The following LDLRAD4 variants were observed in gnomAD, a reference collection of about 807,000 sequenced individuals.
LDLRAD4 encodes the protein low-density lipoprotein receptor class A domain-containing protein 4.
Under a neutral mutation model 17.0 loss-of-function variants are expected in LDLRAD4, and 5 were observed. That is an observed-to-expected ratio of 0.29 (90% CI 0.15 to 0.62). The LOEUF is 0.62. Among genes scored for constraint, LDLRAD4 ranks in the 20% least tolerant of loss-of-function variants. The pLI, the probability that LDLRAD4 is intolerant of heterozygous loss-of-function variation, is 0.84. For synonymous variants in LDLRAD4, 168 were observed against 171.8 expected (o/e 0.98, Z 0.17); for missense variants, 340 against 424.7 (o/e 0.80, Z 1.75).
intron 1 of LDLRAD4, among the ~76,000 whole-genome samples, chr18:13,283,862 T>A (rs2045441078): frequency 6.6e-6 from 1 of 152,128 alleles, no homozygotes; most frequent in Non-Finnish European, 1.5e-5. Context: ...TCCACATGGC[T>A]GGGGAGGCCT....
intron 3 of LDLRAD4, chr18:13,611,411 G>A: frequency 6.1e-6 from 6 of 981,274 alleles, no homozygotes; most frequent in Non-Finnish European, 7.3e-6. Flanking sequence ...CGGCCACCCC[G>A]TGATTTTCTC....
intron 1 of LDLRAD4, among the ~76,000 whole-genome samples, chr18:13,370,302 G>A (rs1008647355): frequency 2.0e-5 from 3 of 152,220 alleles, no homozygotes; most frequent in Admixed American, 1.3e-4. Flanking sequence ...GTTGCAATCC[G>A]AAGTTTGGAA....
At chr18:13,550,852 C>T (rs1048281024) in intron 3 of LDLRAD4, among the ~76,000 whole-genome samples, 3 of 152,030 alleles carry the variant, frequency 2.0e-5, no homozygotes, top group South Asian at 2.1e-4. Context: ...CAGGCAGGGC[C>T]GACTTCTGTT....
intron 1 of LDLRAD4, among the ~76,000 whole-genome samples, chr18:13,312,060 C>T (rs1194068393): frequency 6.6e-6 from 1 of 152,046 alleles, no homozygotes; most frequent in African/African-American, 2.4e-5. Flanking sequence ...TGGTTTTGAT[C>T]TCCTGACCTC....
chr18:13,299,161 G>C (rs1350518725), intron 1 of LDLRAD4, among the ~76,000 whole-genome samples: 1 of 152,240 alleles, frequency 6.6e-6, no homozygotes, highest in African/African-American at 2.4e-5. Flanking sequence ...TGCTTACACT[G>C]TGCTGGATGG....
At chr18:13,640,318 C>T (rs1376064750) in intron 4 of LDLRAD4, among the ~76,000 whole-genome samples, 3 of 124,810 alleles carry the variant, frequency 2.4e-5, no homozygotes, top group South Asian at 5.2e-4. Flanking sequence ...AAATGAAATC[C>T]GTTCAAGTAT....
intron 2 of LDLRAD4, among the ~76,000 whole-genome samples, chr18:13,396,188 A>C (rs1245669452): frequency 6.6e-6 from 1 of 152,240 alleles, no homozygotes; most frequent in Non-Finnish European, 1.5e-5. Flanking sequence ...CATTTGTAGA[A>C]TACTCCAGGG....
At chr18:13,365,810 G>C (rs1342010962) in intron 1 of LDLRAD4, among the ~76,000 whole-genome samples, 1 of 152,220 alleles carries the variant, frequency 6.6e-6, no homozygotes, top group Non-Finnish European at 1.5e-5. Flanking sequence ...GTCTCACCCT[G>C]TTGCCCAGGC....
At chr18:13,411,329 T>C (rs955834625) in intron 2 of LDLRAD4, among the ~76,000 whole-genome samples, 1 of 134,730 alleles carries the variant, frequency 7.4e-6, no homozygotes, top group African/African-American at 2.8e-5. Context: ...AGTATGCTTA[T>C]CTCATAGTTT....
intron 3 of LDLRAD4, among the ~76,000 whole-genome samples, chr18:13,524,922 G>A (rs778365844): frequency 5.3e-5 from 8 of 152,162 alleles, no homozygotes; most frequent in Non-Finnish European, 1.0e-4. Context: ...TCTCCATCTC[G>A]CCCCAGTTCT....
At chr18:13,649,306 G>A (rs556399920) in exon 6 of LDLRAD4, 1 of 152,294 alleles carries the variant, frequency 6.6e-6, no homozygotes, top group South Asian at 2.1e-4. Flanking sequence ...GGCTCAAAAG[G>A]AAGCACTTTT....
intron 1 of LDLRAD4, among the ~76,000 whole-genome samples, chr18:13,234,460 G>C (rs2042237335): frequency 7.1e-6 from 1 of 141,532 alleles, no homozygotes; most frequent in African/African-American, 2.6e-5. Flanking sequence ...TGCCAGGACT[G>C]TTTGTTGAAT....
chr18:13,347,737 A>G (rs928771007), intron 1 of LDLRAD4, among the ~76,000 whole-genome samples: 4 of 152,158 alleles, frequency 2.6e-5, no homozygotes, highest in African/African-American at 4.8e-5. Context: ...GTCTTTTCAC[A>G]TAGTCCCATA....
chr18:13,640,312 G>GAAAAAAAAA (rs1555780823), intron 4 of LDLRAD4, among the ~76,000 whole-genome samples: 1 of 77,472 alleles, frequency 1.3e-5, no homozygotes, highest in African/African-American at 5.4e-5. Flanking sequence ...AAAAAAAAAT[G>GAAAAAAAAA]AAATCCGTTC....
chr18:13,617,900 C>G (rs1019830058), intron 3 of LDLRAD4, among the ~76,000 whole-genome samples: 5 of 152,186 alleles, frequency 3.3e-5, no homozygotes, highest in Admixed American at 1.3e-4. Context: ...CGAATGCAGC[C>G]TTTACAAAAG....
At chr18:13,473,678 T>TATATATATATATATATATATATATAA (rs374731826) in intron 3 of LDLRAD4, among the ~76,000 whole-genome samples, 1 of 79,986 alleles carries the variant, frequency 1.3e-5, no homozygotes, top group Non-Finnish European at 2.3e-5. Context: ...TATATATATA[T>TATATATATATATATATATATATATAA]AACGTTTACA....
At chr18:13,219,567 C>A (rs1404999468) in intron 1 of LDLRAD4, among the ~76,000 whole-genome samples, 1 of 152,192 alleles carries the variant, frequency 6.6e-6, no homozygotes, top group Non-Finnish European at 1.5e-5. Context: ...GTAAGAGTAG[C>A]TGCACAGAAT....
chr18:13,333,489 A>G (rs2081966466), intron 1 of LDLRAD4, among the ~76,000 whole-genome samples: 1 of 152,156 alleles, frequency 6.6e-6, no homozygotes, highest in South Asian at 2.1e-4. Flanking sequence ...AATTGTTGCC[A>G]TTCCGCAGAT....
At chr18:13,617,666 TAAG>T (rs1335928759) in intron 3 of LDLRAD4, among the ~76,000 whole-genome samples, 3 of 151,952 alleles carry the variant, frequency 2.0e-5, no homozygotes, top group Non-Finnish European at 4.4e-5. Flanking sequence ...TATAAATACA[TAAG>T]AAATAAATGA....
Sources: allele counts gnomAD v4.1 joint callset (sites outside exome capture counted in the v4.1 genomes callset), GRCh38; gene constraint gnomAD v4.1.1; transcripts MANE v1.5; gene names NCBI Gene and HGNC (gene_info 2026-07-23, HGNC 2026-07-21).